Variants in CLIC5 observed in about 807,000 individuals in gnomAD.
The protein encoded by CLIC5 is chloride intracellular channel protein 5.
In CLIC5, 20 loss-of-function variants were observed where a neutral mutation model predicts 24.7. The ratio of observed to expected loss-of-function variants is 0.81; its 90% CI spans 0.57 to 1.18. The LOEUF (loss-of-function observed/expected upper bound fraction) is 1.18, where lower values mean the gene tolerates loss of function less well. Among genes scored for constraint, CLIC5 ranks in the 50% most tolerant of loss-of-function variants. CLIC5 has a pLI of 0.00. For missense variants in CLIC5, 341 were observed against 326.1 expected (o/e 1.05, Z -0.35); for synonymous variants, 159 against 135.6 (o/e 1.17, Z -1.20).
At chr6:45,881,040 G>C (rs533307256) in exon 7 of CLIC5, 2 of 397,442 alleles carry the variant, frequency 5.0e-6, no homozygotes, top group South Asian at 2.6e-4. Flanking sequence ...TTTTTTTTCT[G>C]CCTCAAAGCC....
At chr6:46,015,437 G>T in intron 1 of CLIC5, 43 bp downstream of exon 1, 2 of 1,475,596 alleles carry the variant, frequency 1.4e-6, no homozygotes, top group South Asian at 1.3e-5. Context: ...TGAGCCCGGC[G>T]GGAGGCGCGG....
intron 5 of CLIC5, 34 bp from the exon 6 acceptor site, chr6:45,903,289 A>G: frequency 1.9e-6 from 3 of 1,544,076 alleles, no homozygotes; most frequent in Non-Finnish European, 2.6e-6. Flanking sequence ...AGGTGGTGTG[A>G]AGGCATGAAA....
chr6:45,975,680 A>G (rs2127408516), intron 1 of CLIC5, among the ~76,000 whole-genome samples: 1 of 152,298 alleles, frequency 6.6e-6, no homozygotes, highest in African/African-American at 2.4e-5. Flanking sequence ...CAAGTATATC[A>G]GATTACAAAG....
At chr6:45,992,629 C>A (rs566458554) in intron 1 of CLIC5, among the ~76,000 whole-genome samples, 31 of 152,254 alleles carry the variant, frequency 2.0e-4, no homozygotes, top group African/African-American at 7.5e-4. Flanking sequence ...TGCAGAAATA[C>A]CTGTGTATTT....
At chr6:46,015,311 C>A (rs375980313) in intron 1 of CLIC5, among the ~76,000 whole-genome samples, 169 bp downstream of exon 1, 1 of 152,216 alleles carries the variant, frequency 6.6e-6, no homozygotes, top group Non-Finnish European at 1.5e-5. Flanking sequence ...TCCTCCATTC[C>A]GCCCAGGAGC....
At chr6:45,925,739 A>G (rs567061364) in intron 4 of CLIC5, among the ~76,000 whole-genome samples, 1 of 152,304 alleles carries the variant, frequency 6.6e-6, no homozygotes, top group African/African-American at 2.4e-5. Context: ...ATGTGACTCT[A>G]TTTATATACT....
chr6:46,012,343 G>A (rs569674008), intron 1 of CLIC5, among the ~76,000 whole-genome samples: 138 of 152,284 alleles, frequency 9.1e-4, no homozygotes, highest in Middle Eastern at 3.4e-3. Flanking sequence ...AAATCCCTGC[G>A]CCATCCACAG....
At chr6:45,882,273 T>C (rs1762270513) in intron 6 of CLIC5, among the ~76,000 whole-genome samples, 1 of 152,220 alleles carries the variant, frequency 6.6e-6, no homozygotes, top group Non-Finnish European at 1.5e-5. Context: ...ACCCAATCAC[T>C]GCATAGAAGC....
intron 1 of CLIC5, among the ~76,000 whole-genome samples, chr6:45,970,900 G>A (rs1366392179): frequency 6.6e-6 from 1 of 152,180 alleles, no homozygotes; most frequent in Non-Finnish European, 1.5e-5. Flanking sequence ...ATGCTCACTT[G>A]TTCATTGGGC....
chr6:45,983,683 A>C (rs1765637888), intron 1 of CLIC5, among the ~76,000 whole-genome samples: 1 of 152,154 alleles, frequency 6.6e-6, no homozygotes, highest in Non-Finnish European at 1.5e-5. Context: ...ACAACCCTTC[A>C]TTCATTCATT....
At chr6:46,085,230 T>C (rs1763006532), upstream of CLIC5, among the ~76,000 whole-genome samples, 2 of 152,228 alleles carry the variant, frequency 1.3e-5, no homozygotes, top group Admixed American at 6.5e-5. Context: ...TTTCCTCCTA[T>C]AGCTCGGAGT....
At chr6:45,941,405 G>GT in intron 4 of CLIC5, 142 bp downstream of exon 4, 1 of 682,274 alleles carries the variant, frequency 1.5e-6, no homozygotes, top group Non-Finnish European at 2.6e-6. Flanking sequence ...GTGGTGGCGG[G>GT]GGGTGGGGGC....
chr6:45,974,497 G>GTGTATATATATATATATA (rs1192750031), intron 1 of CLIC5, among the ~76,000 whole-genome samples: 22 of 76,192 alleles, frequency 2.9e-4, no homozygotes, highest in Non-Finnish European at 4.3e-4. Context: ...GTGTGTGTGT[G>GTGTATATATATATATATA]TATATATATA....
chr6:45,932,483 T>TTAATACGTTACATACGTAAACA (rs1349218945), intron 4 of CLIC5, among the ~76,000 whole-genome samples: 6 of 152,252 alleles, frequency 3.9e-5, no homozygotes, highest in Non-Finnish European at 7.3e-5. Flanking sequence ...ATGATCTTGC[T>TTAATACGTTACATACGTAAACA]TAATACGTTT....
At chr6:46,095,836 C>G in the CLIC5 span, among the ~76,000 whole-genome samples, 3 of 151,984 alleles carry the variant, frequency 2.0e-5, no homozygotes, top group African/African-American at 7.2e-5. Flanking sequence ...TATCCCAACC[C>G]CTGGTACCAT....
intron 1 of CLIC5, among the ~76,000 whole-genome samples, chr6:46,049,691 A>C (rs1768050766): frequency 6.6e-6 from 1 of 152,210 alleles, no homozygotes; most frequent in Non-Finnish European, 1.5e-5. Flanking sequence ...GGGTTGGGTA[A>C]ATTAACTCAG....
chr6:45,940,484 C>T (rs1005761741), intron 4 of CLIC5, among the ~76,000 whole-genome samples: 12 of 152,206 alleles, frequency 7.9e-5, no homozygotes, highest in African/African-American at 2.2e-4. Context: ...GCCATGATTT[C>T]GTCTCTTTTA....
At position 45,938,675 on chromosome 6, in the gene CLIC5, A is replaced by AT. The variant is rs1280467223; in HGVS notation, c.406+2871dup. Among the ~76,000 whole-genome samples, 5 of 152,232 alleles carry AT rather than the reference A, an allele frequency of 3.3e-5. No individual in the cohort carries two copies. The East Asian group carries it at 9.6e-4, about 29-fold the overall frequency. On this transcript the variant is annotated intron_variant, in intron 4 of 5. Coordinates refer to ENST00000339561, the MANE Select transcript of CLIC5 (RefSeq NM_016929.5). ...AGTTTATAAGAAATGGATATGCGGC[A>AT]TTTGGTGGAAACTGGCTTTGGACTT... is the stretch of plus-strand genomic sequence containing the variant.
intron 2 of CLIC5, among the ~76,000 whole-genome samples, chr6:45,950,609 T>A (rs769790689): frequency 1.4e-4 from 22 of 152,108 alleles, no homozygotes; most frequent in Non-Finnish European, 4.4e-5. Context: ...CATTTTAAAT[T>A]TAAAAATGAG....
Sources: gnomAD v4.1 joint callset for allele counts (sites outside exome capture counted in the v4.1 genomes callset) on GRCh38, gnomAD v4.1.1 for gene constraint, MANE v1.5 for transcripts, NCBI Gene and HGNC (gene_info 2026-07-23, HGNC 2026-07-21) for gene names.